The following PRKN variants were observed in gnomAD, a reference collection of about 807,000 sequenced individuals.
PRKN encodes parkin RBR E3 ubiquitin protein ligase, also known as E3 ubiquitin-protein ligase parkin.
In PRKN, 56 loss-of-function variants were observed where a neutral mutation model predicts 59.5. The observed-to-expected ratio is 0.94, with a 90% CI of 0.76 to 1.18. The LOEUF is 1.18. Ranked by LOEUF, PRKN falls within the 50% of genes most tolerant of loss-of-function variation. PRKN has a pLI of 0.00. For missense variants in PRKN, 657 were observed against 596.4 expected, an observed-to-expected ratio of 1.10 and a Z score of -1.06; for synonymous variants, 250 against 222.1, an observed-to-expected ratio of 1.13 and a Z score of -1.12.
intron 7 of PRKN, among the ~76,000 whole-genome samples, chr6:161,646,004 T>C (rs11966649): frequency 0.08 from 5,064 of 63,634 alleles, 478 homozygotes; most frequent in African/African-American, 0.14. Flanking sequence ...GCGGAGGAGG[T>C]GGCGTATCAG....
rs370144635 is a variant in PRKN at position 162,500,621 on chromosome 6, TAG to T, written c.8-57150_8-57149del. Among the ~76,000 whole-genome samples the T allele has an allele frequency of 2.3e-3, 357 of 152,310 alleles. 2 individuals are homozygous for T. Among genetic ancestry groups the T allele is most frequent in the African/African-American group, 8.2e-3 (339 of 41,566 alleles). On this transcript the variant is annotated intron_variant, in intron 1 of 11. Transcript: ENST00000366898. ...ACAATAGAAGAATGACCTAAGTCAG[TAG>T]AGTCTCTTTTCTTACAATGGCTTAA...
intron 1 of PRKN, among the ~76,000 whole-genome samples, chr6:162,676,913 T>C (rs1779569387): frequency 1.3e-5 from 2 of 151,854 alleles, no homozygotes; most frequent in South Asian, 4.2e-4. Context: ...ATACAAAAGT[T>C]AGCTGGGCAT....
intron 1 of PRKN, among the ~76,000 whole-genome samples, chr6:162,544,912 G>A (rs543426908): frequency 8.7e-5 from 13 of 149,726 alleles, no homozygotes; most frequent in Admixed American, 2.0e-4. Flanking sequence ...CCTGACCTCA[G>A]GTGATCCACC....
rs145298240 is a variant in PRKN, at chr6:161,774,356, C to T, written c.871+11416G>A. 3.5e-3 allele frequency among the ~76,000 whole-genome samples: 521 copies of T among 149,960 alleles called. 1 individual carries two copies. The highest frequency in any genetic ancestry group is 5.4e-3 in the Non-Finnish European group (364 of 67,710). On this transcript the variant is annotated intron_variant, in intron 7 of 11. Coordinates refer to ENST00000366898, the MANE Select transcript of PRKN (RefSeq NM_004562.3). The stretch of plus-strand genomic sequence containing the variant: ...CTTGGCACAGGGCCAGATCCTGTTT[C>T]CTCCCCCATCCTTTCTACTCCCTGA...
At chr6:161,889,926 T>C (rs1795280925) in intron 6 of PRKN, among the ~76,000 whole-genome samples, 1 of 152,120 alleles carries the variant, frequency 6.6e-6, no homozygotes, top group Admixed American at 6.6e-5. Context: ...TAAAATAAAA[T>C]GTAGTAAGAA....
intron 6 of PRKN, among the ~76,000 whole-genome samples, chr6:161,934,659 A>C (rs1300845326): frequency 1.3e-5 from 2 of 152,306 alleles, no homozygotes; most frequent in African/African-American, 4.8e-5. Flanking sequence ...GGAAGAGCTA[A>C]GATTCTTTAC....
intron 2 of PRKN, among the ~76,000 whole-genome samples, chr6:162,402,502 G>T (rs1482773102): frequency 1.3e-5 from 2 of 151,870 alleles, no homozygotes; most frequent in South Asian, 4.2e-4. Flanking sequence ...TTAATTCATT[G>T]TCTCGGGGTA....
At chr6:161,583,734 C>G (rs903506635) in intron 7 of PRKN, among the ~76,000 whole-genome samples, 2 of 152,132 alleles carry the variant, frequency 1.3e-5, no homozygotes, top group East Asian at 3.9e-4. Flanking sequence ...CATTCTGTAA[C>G]TTGTTTTTTC....
At chr6:161,669,605 A>G (rs1784838851) in intron 7 of PRKN, among the ~76,000 whole-genome samples, 2 of 152,252 alleles carry the variant, frequency 1.3e-5, no homozygotes, top group Admixed American at 6.5e-5. Flanking sequence ...CTGTCTTACC[A>G]CACAGAGAGA....
intron 7 of PRKN, among the ~76,000 whole-genome samples, chr6:161,751,295 G>A (rs768660549): frequency 6.6e-6 from 1 of 152,174 alleles, no homozygotes; most frequent in Non-Finnish European, 1.5e-5. Flanking sequence ...CCTCCAAGTA[G>A]AAAGCCAGGA....
At chr6:162,303,279 C>G (rs1782048304) in intron 2 of PRKN, among the ~76,000 whole-genome samples, 1 of 152,070 alleles carries the variant, frequency 6.6e-6, no homozygotes, top group African/African-American at 2.4e-5. Context: ...AAACTTACAC[C>G]CAGTTTTCAA....
chr6:161,789,165 A>G (rs751435577), intron 6 of PRKN, among the ~76,000 whole-genome samples: 10 of 152,182 alleles, frequency 6.6e-5, no homozygotes, highest in Non-Finnish European at 1.5e-4. Flanking sequence ...TGACACCAAT[A>G]AAAAGTTATT....
intron 7 of PRKN, among the ~76,000 whole-genome samples, chr6:161,685,703 G>A (rs921603480): frequency 2.6e-5 from 4 of 152,316 alleles, no homozygotes; most frequent in Non-Finnish European, 1.5e-5. Flanking sequence ...TACCACTGGC[G>A]AGGGACTCTA....
intron 2 of PRKN, among the ~76,000 whole-genome samples, chr6:162,344,781 AT>A (rs1336376681): frequency 1.3e-5 from 2 of 152,166 alleles, no homozygotes; most frequent in African/African-American, 4.8e-5. Flanking sequence ...AGGTTTGAAA[AT>A]GGATGTGCCC....
intron 9 of PRKN, among the ~76,000 whole-genome samples, chr6:161,494,401 G>C (rs906430142): frequency 6.6e-6 from 1 of 152,144 alleles, no homozygotes; most frequent in Non-Finnish European, 1.5e-5. Flanking sequence ...AGCCTGACTG[G>C]TCCTTTTCAT....
intron 6 of PRKN, among the ~76,000 whole-genome samples, chr6:161,964,353 C>A (rs922648899): frequency 6.6e-6 from 1 of 151,976 alleles, no homozygotes; most frequent in Non-Finnish European, 1.5e-5. Context: ...TTATTGAAGG[C>A]TTTATGCAAA....
intron 1 of PRKN, among the ~76,000 whole-genome samples, chr6:162,600,406 G>T (rs1015379270): frequency 1.3e-5 from 2 of 152,012 alleles, no homozygotes; most frequent in Non-Finnish European, 2.9e-5. Context: ...TCCAATTTGG[G>T]GCTATTATGA....
chr6:161,634,020 A>ACACACG (rs1006013658), intron 7 of PRKN, among the ~76,000 whole-genome samples: 5 of 151,782 alleles, frequency 3.3e-5, no homozygotes, highest in African/African-American at 1.2e-4. Context: ...ACACACACAC[A>ACACACG]CACACACACA....
chr6:161,689,225 CACACACACA>C (rs1407903097), intron 7 of PRKN, among the ~76,000 whole-genome samples: 148 of 109,126 alleles, frequency 1.4e-3, no homozygotes, highest in African/African-American at 4.9e-3. Context: ...CACACACACA[CACACACACA>C]AAGTGAACCC....
Sources: allele counts gnomAD v4.1 joint callset (sites outside exome capture counted in the v4.1 genomes callset), GRCh38; gene constraint gnomAD v4.1.1; transcripts MANE v1.5; gene names NCBI Gene and HGNC (gene_info 2026-07-23, HGNC 2026-07-21).